Variants in KCNQ5 observed in about 807,000 individuals in gnomAD.
KCNQ5 encodes potassium voltage-gated channel subfamily KQT member 5.
A neutral mutation model predicts 98.2 loss-of-function variants in KCNQ5; 30 were observed. The observed-to-expected ratio is 0.31, with a 90% CI of 0.23 to 0.41. The LOEUF (loss-of-function observed/expected upper bound fraction) is 0.41. Among genes scored for constraint, KCNQ5 ranks in the 10% least tolerant of loss-of-function variants. The pLI, the probability that KCNQ5 is intolerant of heterozygous loss-of-function variation, is 1.00. For synonymous variants in KCNQ5, 458 were observed against 449.4 expected, an observed-to-expected ratio of 1.02 and a Z score of -0.24; for missense variants, 835 against 1,182.5, an observed-to-expected ratio of 0.71 and a Z score of 4.31.
intron 1 of KCNQ5, among the ~76,000 whole-genome samples, chr6:72,635,490 G>T (rs530825327): frequency 4.6e-5 from 7 of 151,856 alleles, no homozygotes; most frequent in African/African-American, 9.7e-5. Flanking sequence ...CTGATTTTTT[G>T]ATTTTTTTCT....
intron 5 of KCNQ5, among the ~76,000 whole-genome samples, chr6:73,102,516 A>G (rs1774825742): frequency 6.6e-6 from 1 of 152,196 alleles, no homozygotes; most frequent in South Asian, 2.1e-4. Context: ...TAACCAGAAT[A>G]TATAAGGAGC....
At chr6:73,192,465 A>G in intron 12 of KCNQ5, 100 bp from the exon 13 acceptor site, 1 of 1,006,200 alleles carries the variant, frequency 9.9e-7, no homozygotes, top group Non-Finnish European at 1.4e-6. Flanking sequence ...CATAAATTGA[A>G]GATAACTGTA....
At chr6:72,885,161 T>C (rs1005479513) in intron 1 of KCNQ5, among the ~76,000 whole-genome samples, 1 of 152,240 alleles carries the variant, frequency 6.6e-6, no homozygotes, top group African/African-American at 2.4e-5. Flanking sequence ...TAGCTTGTAT[T>C]ATTTTTAATT....
chr6:72,781,171 G>C (rs1164519439), intron 1 of KCNQ5, among the ~76,000 whole-genome samples: 1 of 152,104 alleles, frequency 6.6e-6, no homozygotes, highest in African/African-American at 2.4e-5. Context: ...TGTGAGAAGA[G>C]GGGACACACA....
intron 1 of KCNQ5, among the ~76,000 whole-genome samples, chr6:72,881,790 C>T (rs927963824): frequency 1.3e-5 from 2 of 152,180 alleles, no homozygotes; most frequent in East Asian, 3.9e-4. Context: ...CTCCTGGGTT[C>T]AAGTGATTTT....
intron 1 of KCNQ5, among the ~76,000 whole-genome samples, chr6:72,810,496 T>G (rs1180040033): frequency 6.6e-6 from 1 of 152,236 alleles, no homozygotes; most frequent in Non-Finnish European, 1.5e-5. Context: ...AAATCTATTC[T>G]CCTTTCTCAT....
At chr6:72,951,059 G>A (rs1305918869) in intron 1 of KCNQ5, among the ~76,000 whole-genome samples, 1 of 151,868 alleles carries the variant, frequency 6.6e-6, no homozygotes, top group Non-Finnish European at 1.5e-5. Context: ...CCTTTTCCCA[G>A]ATCCCAAAAA....
chr6:73,048,833 C>T (rs1188355410), intron 3 of KCNQ5, among the ~76,000 whole-genome samples: 3 of 152,130 alleles, frequency 2.0e-5, no homozygotes, highest in Non-Finnish European at 2.9e-5. Flanking sequence ...AACTTTTTTA[C>T]AGCCCCAGTG....
chr6:72,773,397 A>G (rs1211594642), intron 1 of KCNQ5, among the ~76,000 whole-genome samples: 3 of 152,088 alleles, frequency 2.0e-5, no homozygotes, highest in Non-Finnish European at 4.4e-5. Context: ...GTGGGAGTTG[A>G]GCGATGAGAA....
intron 1 of KCNQ5, among the ~76,000 whole-genome samples, chr6:72,623,501 G>A (rs1385328479): frequency 1.3e-5 from 2 of 151,520 alleles, no homozygotes; most frequent in African/African-American, 2.4e-5. Flanking sequence ...TTTTCCCTTA[G>A]GCATTTAAAA....
rs77267954 is a variant in KCNQ5, at chr6:73,000,999, C to T, written c.399-2909C>T. ...CTTTGATAATTCTCGTTCCATGAAACAAAAGGCAAATAGTTTGCCTCATTC... is the reference window on the plus strand; with the variant it reads ...CTTTGATAATTCTCGTTCCATGAAATAAAAGGCAAATAGTTTGCCTCATTC... On this transcript the variant is annotated intron_variant, in intron 1 of 13. Transcript: ENST00000370398. 7.0e-3 allele frequency among the ~76,000 whole-genome samples: 1,072 copies of T among 152,334 alleles called. 16 individuals carry two copies. Among genetic ancestry groups the T allele is most frequent in the African/African-American group, 0.025 (1,025 of 41,568 alleles).
At chr6:72,747,341 C>G (rs1771456162) in intron 1 of KCNQ5, among the ~76,000 whole-genome samples, 1 of 152,120 alleles carries the variant, frequency 6.6e-6, no homozygotes, top group African/African-American at 2.4e-5. Context: ...ATTTTGATAA[C>G]TATTTCTATA....
intron 1 of KCNQ5, among the ~76,000 whole-genome samples, chr6:72,953,818 A>G (rs1766917811): frequency 1.3e-5 from 2 of 152,224 alleles, no homozygotes; most frequent in Non-Finnish European, 2.9e-5. Context: ...CAAAAACTTA[A>G]AAGAAAAAAT....
At chr6:72,960,750 C>T (rs1426951611) in intron 1 of KCNQ5, among the ~76,000 whole-genome samples, 1 of 152,182 alleles carries the variant, frequency 6.6e-6, no homozygotes, top group Non-Finnish European at 1.5e-5. Flanking sequence ...TTATACAGAA[C>T]TGTTATCTAA....
intron 1 of KCNQ5, among the ~76,000 whole-genome samples, chr6:72,894,957 T>C (rs573986244): frequency 2.0e-5 from 3 of 151,954 alleles, no homozygotes; most frequent in Admixed American, 1.3e-4. Context: ...TGAGCACGTG[T>C]GCACACACAC....
chr6:72,814,274 A>G (rs1775390758), intron 1 of KCNQ5, among the ~76,000 whole-genome samples: 1 of 152,192 alleles, frequency 6.6e-6, no homozygotes, highest in South Asian at 2.1e-4. Context: ...ACCGCAGTGC[A>G]ATGTAATGGC....
At chr6:73,052,857 A>G (rs570133795) in intron 3 of KCNQ5, among the ~76,000 whole-genome samples, 4 of 152,284 alleles carry the variant, frequency 2.6e-5, no homozygotes, top group African/African-American at 7.2e-5. Context: ...CCAATTAACA[A>G]CACAAAACAG....
At chr6:72,880,640 C>T (rs1184184289) in intron 1 of KCNQ5, among the ~76,000 whole-genome samples, 1 of 152,136 alleles carries the variant, frequency 6.6e-6, no homozygotes, top group Non-Finnish European at 1.5e-5. Context: ...AATCTTAACC[C>T]TTTTGTTGCC....
At chr6:72,764,714 C>G (rs1477445824) in intron 1 of KCNQ5, among the ~76,000 whole-genome samples, 1 of 151,814 alleles carries the variant, frequency 6.6e-6, no homozygotes, top group African/African-American at 2.4e-5. Context: ...TATTCATTCT[C>G]TCTATTTTTT....
Sources: allele counts gnomAD v4.1 joint callset (sites outside exome capture counted in the v4.1 genomes callset), GRCh38; gene constraint gnomAD v4.1.1; transcripts MANE v1.5; gene names NCBI Gene and HGNC (gene_info 2026-07-23, HGNC 2026-07-21).